The following MBTD1 variants were observed in gnomAD, a reference collection of about 807,000 sequenced individuals.
MBTD1 encodes MBT domain-containing protein 1.
A neutral mutation model predicts 87.8 loss-of-function variants in MBTD1; 24 were observed. That is an observed-to-expected ratio of 0.27 (90% CI 0.20 to 0.38). The LOEUF (loss-of-function observed/expected upper bound fraction) is 0.38. Among genes scored for constraint, MBTD1 ranks in the 10% least tolerant of loss-of-function variants. MBTD1 has a pLI of 1.00. For synonymous variants in MBTD1, 237 were observed against 248.6 expected, an observed-to-expected ratio of 0.95 and a Z score of 0.44; for missense variants, 436 against 760.2, an observed-to-expected ratio of 0.57 and a Z score of 5.02.
At chr17:51,201,747 A>C in intron 11 of MBTD1, 51 bp from the exon 12 acceptor site, 1 of 1,199,518 alleles carries the variant, frequency 8.3e-7, no homozygotes, top group African/African-American at 1.5e-5. Flanking sequence ...TGTTATTTTG[A>C]TAATTAAAAT....
chr17:51,214,001 G>A lies in MBTD1; in HGVS notation c.486+3333C>T, dbSNP rs189807920. 1.3e-4 allele frequency among the ~76,000 whole-genome samples: 19 copies of A among 151,908 alleles called. 2 individuals are homozygous for A. Among genetic ancestry groups the A allele is most frequent in the African/African-American group, 4.3e-4 (18 of 41,422 alleles). On this transcript the variant is annotated intron_variant, in intron 6 of 16. Coordinates refer to ENST00000586178, the MANE Select transcript of MBTD1 (RefSeq NM_017643.3). ...CCCTAGATACAATAAAAGACATATC[G>A]GCCAATCATAATACACAGATTTTTT... is the stretch of plus-strand genomic sequence containing the variant.
At chr17:51,212,503 A>G (rs546133850) in intron 6 of MBTD1, among the ~76,000 whole-genome samples, 3 of 150,738 alleles carry the variant, frequency 2.0e-5, no homozygotes, top group Non-Finnish European at 4.4e-5. Flanking sequence ...TGATTTCAAC[A>G]TTTCTGATCT....
chr17:51,259,647 G>C (rs1310242710), intron 1 of MBTD1, among the ~76,000 whole-genome samples, 188 bp downstream of exon 1: 3 of 150,880 alleles, frequency 2.0e-5, no homozygotes, highest in African/African-American at 7.3e-5. Flanking sequence ...CTGACGGGGT[G>C]GGGGGAGGGG....
At chr17:51,188,353 C>A (rs2050641359) in intron 16 of MBTD1, among the ~76,000 whole-genome samples, 1 of 152,198 alleles carries the variant, frequency 6.6e-6, no homozygotes, top group Non-Finnish European at 1.5e-5. Context: ...GGCATGAACA[C>A]AACTTACTAC....
chr17:51,195,256 C>A lies in MBTD1; in HGVS notation c.1330G>T (p.Gly444Cys). 6.2e-7 allele frequency: 1 copy of A among 1,612,820 alleles called. No homozygotes were observed. The highest frequency in any genetic ancestry group is 8.5e-7 in the Non-Finnish European group (1 of 1,179,378). The change falls in exon 13 of 17, where the codon GGT becomes TGT. Residue 444 changes from glycine to cysteine, a missense_variant. Physicochemically the swap from Gly to Cys is radical, Grantham distance 159. This residue lies in a region of MBTD1 where 268 missense variants were observed against 401.8 expected (regional missense o/e 0.67). Transcript: ENST00000586178. ...HATSPSIFPV[G>C]FCEINMIELT... ...TCAATCATGTTAATTTCACAGAAACCGACAGGGAAAATAGAAGGAGAGGTT... is the reference window on the plus strand; with the variant it reads ...TCAATCATGTTAATTTCACAGAAACAGACAGGGAAAATAGAAGGAGAGGTT...
At chr17:51,251,481 C>T (rs1036378767) in intron 2 of MBTD1, 1 of 152,146 alleles carries the variant, frequency 6.6e-6, no homozygotes, top group Non-Finnish European at 1.5e-5. Flanking sequence ...TATCAAACTC[C>T]AAACCTATGA....
intron 2 of MBTD1, among the ~76,000 whole-genome samples, chr17:51,227,905 T>C (rs911237575): frequency 6.6e-6 from 1 of 150,768 alleles, no homozygotes; most frequent in Admixed American, 6.6e-5. Context: ...TCAGCCAAGA[T>C]TGCACCACTG....
At position 51,180,703 on chromosome 17, in the gene MBTD1, AAG is replaced by A. The variant is rs1247563373; in HGVS notation, c.1769-11_1769-10del. The A allele has an allele frequency of 8.4e-6, 12 of 1,436,984 alleles. No homozygotes were observed. In the African/African-American group the frequency reaches 8.5e-5, roughly 10 times the overall value. The allele number at this position is 1,436,984 out of a possible 1,614,324, so 89.0% of individuals were successfully genotyped here. ...CAGCTGCAGTGTTGTCACTGAATGA[AAG>A]AGAGAGAAACATATGGGCATTAAGG... On this transcript the variant is annotated splice_polypyrimidine_tract_variant and intron_variant, in intron 16 of 16. Coordinates refer to ENST00000586178, the MANE Select transcript of MBTD1 (RefSeq NM_017643.3).
chr17:51,260,562 T>G (rs1186913430), upstream of MBTD1: 1 of 1,600,292 alleles, frequency 6.2e-7, no homozygotes, highest in South Asian at 1.1e-5. Context: ...CGTGAGCGCC[T>G]GCGTTTCTCC....
chr17:51,230,223 T>C (rs903951443), intron 2 of MBTD1, among the ~76,000 whole-genome samples: 1 of 152,190 alleles, frequency 6.6e-6, no homozygotes, highest in African/African-American at 2.4e-5. Flanking sequence ...AAAGTTCTAA[T>C]AGCACTTTGA....
chr17:51,244,627 C>T (rs1290309589), intron 2 of MBTD1, among the ~76,000 whole-genome samples: 1 of 152,022 alleles, frequency 6.6e-6, no homozygotes, highest in South Asian at 2.1e-4. Flanking sequence ...AGGCTGGTCT[C>T]GAACTCCTGG....
Position 51,240,463 on chromosome 17 carries a change from G to C in MBTD1, c.-48-15254C>G, listed in dbSNP as rs150403981. 3.4e-4 allele frequency among the ~76,000 whole-genome samples: 51 copies of C among 152,200 alleles called. No individual in the cohort carries two copies. The East Asian group carries it at 7.1e-3, about 21-fold the overall frequency. ...TTTTTCATGACCTTGACAGTTTTGA[G>C]GAATCTTGGTCAGATATTTTGCTGA... is the stretch of plus-strand genomic sequence containing the variant. On this transcript the variant is annotated intron_variant, in intron 2 of 16. Coordinates refer to ENST00000586178, the MANE Select transcript of MBTD1 (RefSeq NM_017643.3).
chr17:51,239,770 CAA>C (rs561093043), intron 2 of MBTD1, among the ~76,000 whole-genome samples: 1 of 148,560 alleles, frequency 6.7e-6, no homozygotes, highest in African/African-American at 2.5e-5. Context: ...ACAAAAAAAA[CAA>C]AAAAAAAATC....
intron 1 of MBTD1, 131 bp from the exon 2 acceptor site, chr17:51,259,337 G>A: frequency 1.0e-6 from 1 of 965,508 alleles, no homozygotes; most frequent in Non-Finnish European, 1.3e-6. Context: ...TCCCGCACGT[G>A]CCCACCCCGC....
intron 16 of MBTD1, among the ~76,000 whole-genome samples, chr17:51,188,624 T>C (rs2050653858): frequency 6.6e-6 from 1 of 152,092 alleles, no homozygotes; most frequent in Non-Finnish European, 1.5e-5. Context: ...TAAAGCTTAG[T>C]GAGAAAACTT....
chr17:51,260,462 G>A, upstream of MBTD1: 1 of 1,071,172 alleles, frequency 9.3e-7, no homozygotes, highest in Non-Finnish European at 1.3e-6. Flanking sequence ...CTGGTCACGT[G>A]GCAAGAGGCT....
intron 7 of MBTD1, among the ~76,000 whole-genome samples, chr17:51,205,409 C>A (rs2051762081): frequency 6.6e-6 from 1 of 152,124 alleles, no homozygotes; most frequent in African/African-American, 2.4e-5. Context: ...ATGCACTGAT[C>A]TTAAGAGCTA....
At chr17:51,224,214 T>C (rs77031612) in intron 3 of MBTD1, among the ~76,000 whole-genome samples, 2,842 of 152,266 alleles carry the variant, frequency 0.019, 64 homozygotes, top group African/African-American at 0.047. Context: ...CCACATAATC[T>C]GAAGTATCCC....
intron 2 of MBTD1, among the ~76,000 whole-genome samples, chr17:51,238,968 T>C (rs1243815023): frequency 6.6e-6 from 1 of 152,080 alleles, no homozygotes; most frequent in East Asian, 1.9e-4. Context: ...GGTGTGGTAA[T>C]GTGCGTCTGT....
Sources: gnomAD v4.1 joint callset for allele counts (sites outside exome capture counted in the v4.1 genomes callset) on GRCh38, gnomAD v4.1.1 for gene constraint, gnomAD v4.1.1 regional missense constraint, MANE v1.5 for transcripts, NCBI Gene and HGNC (gene_info 2026-07-23, HGNC 2026-07-21) for gene names.